The following JAK1 variants were observed in gnomAD, a reference collection of about 807,000 sequenced individuals.
JAK1 encodes Janus kinase 1, also known as tyrosine-protein kinase JAK1.
JAK1 carries 16 observed loss-of-function variants against 136.6 expected under a neutral mutation model. That is an observed-to-expected ratio of 0.12 (90% CI 0.08 to 0.18). The LOEUF (loss-of-function observed/expected upper bound fraction) is 0.18, where lower values mean the gene tolerates loss of function less well. Among genes scored for constraint, JAK1 ranks in the 10% least tolerant of loss-of-function variants. JAK1 has a pLI of 1.00. For synonymous variants in JAK1, 492 were observed against 519.5 expected (o/e 0.95, Z 0.72); for missense variants, 859 against 1,450.1 (o/e 0.59, Z 6.62).
chr1:64,954,988 C>T (rs933793841), intron 1 of JAK1, among the ~76,000 whole-genome samples: 1 of 152,160 alleles, frequency 6.6e-6, no homozygotes, highest in Non-Finnish European at 1.5e-5. Flanking sequence ...ACTGGCAGAG[C>T]CAATGAGTCT....
intron 1 of JAK1, among the ~76,000 whole-genome samples, chr1:64,906,466 A>AC (rs1355585142): frequency 6.6e-6 from 1 of 152,068 alleles, no homozygotes; most frequent in African/African-American, 2.4e-5. Context: ...GCCAGTATTC[A>AC]CCATGTTGTA....
chr1:64,972,735 G>C (rs1646462816), intron 2 of JAK1: 1 of 152,346 alleles, frequency 6.6e-6, no homozygotes, highest in South Asian at 2.1e-4. Context: ...GCTGCCATGA[G>C]CCACGATCCC....
At chr1:65,031,949 A>ATTTTTC (rs1647027073) in intron 2 of JAK1, among the ~76,000 whole-genome samples, 1 of 147,728 alleles carries the variant, frequency 6.8e-6, no homozygotes, top group African/African-American at 2.5e-5. Flanking sequence ...AAAAACACAG[A>ATTTTTC]TTTTTCTTTT....
chr1:65,004,624 T>C lies in JAK1; in HGVS notation c.-78+39856A>G, dbSNP rs74621829. The stretch of plus-strand genomic sequence containing the variant: ...CAAATGTCTGATTTAGGAACCAAAA[T>C]TGCAAAACAAGTAGATGTGAAGATC... On this transcript the variant is annotated intron_variant, in intron 2 of 25. Coordinates refer to the JAK1 transcript ENST00000671954. Among the ~76,000 whole-genome samples, 1,434 of 149,116 alleles carry C rather than the reference T, an allele frequency of 9.6e-3. 19 individuals are homozygous for C. Among genetic ancestry groups the C allele is most frequent in the African/African-American group, 0.034 (1,386 of 40,404 alleles).
chr1:64,887,392 C>T (rs1344834690), intron 1 of JAK1, among the ~76,000 whole-genome samples: 1 of 151,964 alleles, frequency 6.6e-6, no homozygotes, highest in African/African-American at 2.4e-5. Context: ...GAATAAACAC[C>T]CTGCCCTGCC....
intron 3 of JAK1, 83 bp downstream of exon 3, chr1:64,883,194 C>T (rs1043660631): frequency 3.1e-5 from 36 of 1,147,526 alleles, no homozygotes; most frequent in Non-Finnish European, 1.5e-5. Flanking sequence ...TGCCCAGCAG[C>T]GCTACAAGGG....
In JAK1 at chr1:64,841,605, T is replaced by C. The variant is rs1380474421; in HGVS notation, c.2404-4A>G. The C allele has an allele frequency of 3.1e-6, 5 of 1,613,610 alleles. No individual in the cohort carries two copies. The highest frequency in any genetic ancestry group is 4.2e-6 in the Non-Finnish European group (5 of 1,180,014). ...GGCTTTCATAGAATCTCTCTTTCTGTAAACAAGAGGGGCACATGGAAGAAA... is the reference window on the plus strand; with the variant it reads ...GGCTTTCATAGAATCTCTCTTTCTGCAAACAAGAGGGGCACATGGAAGAAA... On this transcript the variant is annotated splice_polypyrimidine_tract_variant and splice_region_variant and intron_variant, in intron 17 of 24. Coordinates refer to ENST00000342505, the MANE Select transcript of JAK1 (RefSeq NM_002227.4).
In JAK1 at chr1:64,883,323, T is replaced by C; in HGVS notation, c.159A>G (p.Gly53=). The C allele has an allele frequency of 2.5e-6, 4 of 1,614,174 alleles. No individual in the cohort carries two copies. Among genetic ancestry groups the C allele is most frequent in the Non-Finnish European group, 3.4e-6 (4 of 1,180,000 alleles). ...SDREPLRLGS[G]EYTAEELCIR... ...TGCACAGTTCCTCTGCTGTGTACTC[T>C]CCACTGCCCAGCCGGAGGGGCTCCC... Residue 53 remains glycine, a synonymous_variant, in exon 3 of 25, where the codon GGA becomes GGG. Coordinates refer to ENST00000342505, the MANE Select transcript of JAK1 (RefSeq NM_002227.4).
At chr1:64,847,488 G>A in intron 13 of JAK1, 44 bp downstream of exon 13, 1 of 1,610,954 alleles carries the variant, frequency 6.2e-7, no homozygotes, top group Middle Eastern at 1.8e-4. Context: ...ACTGGCTCCA[G>A]AAACGGGAGA....
At chr1:64,990,766 C>CA (rs1450706171) in intron 2 of JAK1, 1 of 151,414 alleles carries the variant, frequency 6.6e-6, no homozygotes, top group Non-Finnish European at 1.5e-5. Context: ...TACTAAAATA[C>CA]AAAAAATTAG....
chr1:65,020,148 C>T (rs1216541166), intron 2 of JAK1, among the ~76,000 whole-genome samples: 3 of 150,072 alleles, frequency 2.0e-5, no homozygotes, highest in Non-Finnish European at 4.4e-5. Context: ...TCGCTTGAAC[C>T]CGGGAGGCGG....
chr1:65,046,457 A>G (rs1323252120), intron 1 of JAK1, among the ~76,000 whole-genome samples: 1 of 152,088 alleles, frequency 6.6e-6, no homozygotes, highest in African/African-American at 2.4e-5. Context: ...CCAAGATTAT[A>G]TTTTCCTTTA....
Position 65,010,309 on chromosome 1 carries a change from TTC to T in JAK1, c.-78+34169_-78+34170del, listed in dbSNP as rs146058654. Among the ~76,000 whole-genome samples, 7 of 150,992 alleles carry T rather than the reference TTC, an allele frequency of 4.6e-5. No individual in the cohort carries two copies. In the East Asian group the frequency reaches 1.2e-3, roughly 25 times the overall value. On this transcript the variant is annotated intron_variant, in intron 2 of 25. Coordinates refer to the JAK1 transcript ENST00000671954. ...GCTTGCGCTCTCTCTCGCACGCTCA[TTC>T]TCTCTCTCTCTCTCCCCCTTCCTCC...
intron 1 of JAK1, among the ~76,000 whole-genome samples, chr1:64,888,307 G>A (rs1301614168): frequency 3.9e-5 from 6 of 152,056 alleles, no homozygotes; most frequent in Non-Finnish European, 7.4e-5. Context: ...TCAGCCTCCC[G>A]AGTAGCTGGG....
intron 2 of JAK1, among the ~76,000 whole-genome samples, chr1:65,007,723 A>G (rs1217010054): frequency 3.3e-5 from 5 of 150,534 alleles, no homozygotes; most frequent in Admixed American, 6.6e-5. Flanking sequence ...TCGGCCTCCT[A>G]AAGTGCTGGG....
intron 1 of JAK1, among the ~76,000 whole-genome samples, chr1:64,921,996 G>A (rs557931026): frequency 1.3e-5 from 2 of 151,778 alleles, no homozygotes; most frequent in East Asian, 2.0e-4. Flanking sequence ...AGAGTAGATC[G>A]GCATAGGGAC....
In JAK1 at chr1:64,878,276, T is replaced by C. The variant is rs187704426; in HGVS notation, c.329+749A>G. ...TTCCATTCTAGTTACTGAACAAATA[T>C]GTTTACAAACTCAGGAGACTGCAGC... is the stretch of plus-strand genomic sequence containing the variant. On this transcript the variant is annotated intron_variant, in intron 4 of 24. Transcript: ENST00000342505. Among the ~76,000 whole-genome samples the C allele has an allele frequency of 6.6e-5, 10 of 152,300 alleles. No homozygotes were observed. The East Asian group carries it at 1.5e-3, about 23-fold the overall frequency.
rs1646594990 is a variant in JAK1 at position 64,985,962 on chromosome 1, G to A, written c.-78+58518C>T. 9.3e-5 allele frequency: 105 copies of A among 1,128,788 alleles called. 1 individual carries two copies. The South Asian group carries it at 1.3e-3, about 14-fold the overall frequency. The allele number at this position is 1,128,788 out of a possible 1,614,324, so 69.9% of individuals were successfully genotyped here. A position where few individuals can be genotyped will look rare whatever the true frequency, so the allele number is the denominator to read the frequency against. ...AGGGGTATTTGCCTTGTCCTTCAAAGTGTTGATAAATTCCCTTATGATCAT... is the reference window on the plus strand; with the variant it reads ...AGGGGTATTTGCCTTGTCCTTCAAAATGTTGATAAATTCCCTTATGATCAT... On this transcript the variant is annotated intron_variant, in intron 2 of 25. Transcript: ENST00000671954.
At chr1:64,864,439 G>C (rs1174316132) in intron 8 of JAK1, among the ~76,000 whole-genome samples, 1 of 152,252 alleles carries the variant, frequency 6.6e-6, no homozygotes, top group Non-Finnish European at 1.5e-5. Context: ...GCTCAGCAGA[G>C]AGGCCGTGCC....
Sources: gnomAD v4.1 joint callset for allele counts (sites outside exome capture counted in the v4.1 genomes callset) on GRCh38, gnomAD v4.1.1 for gene constraint, MANE v1.5 for transcripts, NCBI Gene and HGNC (gene_info 2026-07-23, HGNC 2026-07-21) for gene names.